GTF2IRD1: variants seen among roughly 807,000 people sequenced by gnomAD.
The protein encoded by GTF2IRD1 is GTF2I repeat domain containing 1, also known as general transcription factor II-I repeat domain-containing protein 1.
GTF2IRD1 carries 26 observed loss-of-function variants against 113.2 expected under a neutral mutation model. The ratio of observed to expected loss-of-function variants is 0.23; its 90% confidence interval spans 0.17 to 0.32. GTF2IRD1 has a LOEUF of 0.32. GTF2IRD1 is among the 10% of genes least tolerant of loss of function. The pLI is 1.00. For missense variants in GTF2IRD1, 864 were observed against 1,280.8 expected (o/e 0.67, Z 4.97); for synonymous variants, 484 against 529.1 (o/e 0.91, Z 1.17).
At chr7:74,537,624 G>A (rs1223077957) in intron 11 of GTF2IRD1, among the ~76,000 whole-genome samples, 10 of 152,070 alleles carry the variant, frequency 6.6e-5, no homozygotes, top group African/African-American at 2.4e-4. Context: ...ACCTCTTAGG[G>A]GCAGGGGTGG....
intron 22 of GTF2IRD1, among the ~76,000 whole-genome samples, chr7:74,567,540 T>C (rs1176017573): frequency 6.6e-6 from 1 of 151,964 alleles, no homozygotes; most frequent in Non-Finnish European, 1.5e-5. Context: ...AGTGGAATAG[T>C]GGGCTCAAGA....
chr7:74,561,221 C>G (rs1317905978), intron 22 of GTF2IRD1, among the ~76,000 whole-genome samples: 11 of 151,684 alleles, frequency 7.3e-5, no homozygotes, highest in Non-Finnish European at 1.3e-4. Flanking sequence ...TGGTGGCGCA[C>G]ACCTGTAATC....
chr7:74,520,580 C>T (rs1050104674), intron 6 of GTF2IRD1, among the ~76,000 whole-genome samples: 9 of 151,810 alleles, frequency 5.9e-5, no homozygotes, highest in South Asian at 2.1e-4. Flanking sequence ...GGATGGGACC[C>T]GGTAGTCTTT....
rs587633069 is a variant in GTF2IRD1, at chr7:74,584,373, A to G, written c.2321-5478A>G. On this transcript the variant is annotated intron_variant, in intron 22 of 26. Coordinates refer to ENST00000424337, the MANE Select transcript of GTF2IRD1 (RefSeq NM_005685.4). Reference sequence around the variant, plus strand: ...GGCACGAGAATCACTCGAACCCGGTAGGCGGAGGTTGCAGTGAGCCAAAAT... The same window carrying G: ...GGCACGAGAATCACTCGAACCCGGTGGGCGGAGGTTGCAGTGAGCCAAAAT... Among the ~76,000 whole-genome samples, 28 of 152,306 alleles carry G rather than the reference A, an allele frequency of 1.8e-4. No homozygotes were observed. In the East Asian group the frequency reaches 5.2e-3, roughly 28 times the overall value.
chr7:74,563,634 C>G (rs1270755005), intron 22 of GTF2IRD1, among the ~76,000 whole-genome samples: 1 of 151,496 alleles, frequency 6.6e-6, no homozygotes, highest in Non-Finnish European at 1.5e-5. Flanking sequence ...CCCTGTAATC[C>G]TAGCACTTTG....
intron 17 of GTF2IRD1, among the ~76,000 whole-genome samples, chr7:74,551,536 G>A (rs1554355025): frequency 6.6e-6 from 1 of 152,146 alleles, no homozygotes; most frequent in African/African-American, 2.4e-5. Flanking sequence ...TGCTGTGACA[G>A]GATATAATGC....
chr7:74,590,726 C>A, intron 23 of GTF2IRD1, 99 bp from the exon 24 acceptor site: 1 of 742,118 alleles, frequency 1.3e-6, no homozygotes, highest in Non-Finnish European at 2.2e-6. Flanking sequence ...GGTGTGATGG[C>A]TGCTGGGCTA....
At chr7:74,578,502 G>A (rs1465323396) in intron 22 of GTF2IRD1, among the ~76,000 whole-genome samples, 1 of 152,162 alleles carries the variant, frequency 6.6e-6, no homozygotes, top group African/African-American at 2.4e-5. Context: ...TGACAAAGGC[G>A]TGTTATTGAA....
chr7:74,540,910 C>T (rs111556925), intron 14 of GTF2IRD1, among the ~76,000 whole-genome samples: 3,800 of 151,764 alleles, frequency 0.025, 76 homozygotes, highest in Non-Finnish European at 0.037. Flanking sequence ...TACAGGCGCC[C>T]GCCACCACGC....
intron 13 of GTF2IRD1, 114 bp from the exon 14 acceptor site, chr7:74,539,761 GAGAC>G: frequency 1.7e-6 from 1 of 597,242 alleles, no homozygotes. Flanking sequence ...AAAAAAAAAA[GAGAC>G]AGAAAGAAAA....
At chr7:74,538,015 G>A in intron 11 of GTF2IRD1, 121 bp from the exon 12 acceptor site, 1 of 846,626 alleles carries the variant, frequency 1.2e-6, no homozygotes, top group Non-Finnish European at 2.0e-6. Context: ...GGGGCCGATG[G>A]GGACAGGGAT....
Position 74,472,660 on chromosome 7 carries a change from G to C in GTF2IRD1, c.-7+18484G>C, listed in dbSNP as rs566917520. Among the ~76,000 whole-genome samples, 12 of 152,346 alleles carry C rather than the reference G, an allele frequency of 7.9e-5. No homozygotes were observed. In the South Asian group the frequency reaches 1.9e-3, roughly 24 times the overall value. ...CCAGCTACTTGTGAGGCTGAGACAT[G>C]AGAACTGCTTCAACCCGGGAGGCGG... is the stretch of plus-strand genomic sequence containing the variant. On this transcript the variant is annotated intron_variant, in intron 1 of 26. Coordinates refer to ENST00000424337, the MANE Select transcript of GTF2IRD1 (RefSeq NM_005685.4).
At chr7:74,502,102 C>A (rs1796065388) in intron 1 of GTF2IRD1, among the ~76,000 whole-genome samples, 1 of 152,164 alleles carries the variant, frequency 6.6e-6, no homozygotes, top group African/African-American at 2.4e-5. Flanking sequence ...ATACACCCGG[C>A]TAATTTCTGT....
intron 22 of GTF2IRD1, among the ~76,000 whole-genome samples, chr7:74,576,654 CAG>C (rs1267087501): frequency 6.9e-5 from 6 of 86,730 alleles, no homozygotes; most frequent in Non-Finnish European, 1.2e-4. Context: ...TTTTTTGAGA[CAG>C]AGTCTTCAGG....
intron 2 of GTF2IRD1, among the ~76,000 whole-genome samples, chr7:74,510,276 A>G (rs181388642): frequency 1.5e-4 from 22 of 149,868 alleles, no homozygotes; most frequent in African/African-American, 4.7e-4. Context: ...GGGCGATGCC[A>G]TGGCCACTAG....
Position 74,538,677 on chromosome 7 carries a change from C to T in GTF2IRD1, c.1448-3C>T, listed in dbSNP as rs782173363. ...GACAGGATTCTTCCTTTCCTCCTTG[C>T]AGGAACCTCCGGGGAGCTGGGCGGG... On this transcript the variant is annotated splice_region_variant and splice_polypyrimidine_tract_variant and intron_variant, in intron 12 of 26. Transcript: ENST00000424337. 6.4e-7 allele frequency: 1 copy of T among 1,567,640 alleles called. No homozygotes were observed.
chr7:74,467,447 G>A (rs1410624763), intron 1 of GTF2IRD1, among the ~76,000 whole-genome samples: 2 of 152,194 alleles, frequency 1.3e-5, no homozygotes, highest in Non-Finnish European at 2.9e-5. Flanking sequence ...TGTGCAGACA[G>A]CACAAGTGTG....
rs781864906 is a variant in GTF2IRD1 at position 74,557,625 on chromosome 7, T to C, written c.2024-14T>C. 3.7e-6 allele frequency: 6 copies of C among 1,604,760 alleles called. No homozygotes were observed. In the East Asian group the frequency reaches 1.3e-4, roughly 36 times the overall value. ...CTCAACAGCCCAAACCCATAATCGTTTTGCGCTTTGCAGAAAATTATGACG... is the reference window on the plus strand; with the variant it reads ...CTCAACAGCCCAAACCCATAATCGTCTTGCGCTTTGCAGAAAATTATGACG... On this transcript the variant is annotated splice_polypyrimidine_tract_variant and intron_variant, in intron 19 of 26. Transcript: ENST00000424337.
intron 1 of GTF2IRD1, among the ~76,000 whole-genome samples, chr7:74,488,362 A>C (rs1224335768): frequency 6.6e-6 from 1 of 152,224 alleles, no homozygotes; most frequent in Non-Finnish European, 1.5e-5. Context: ...CTTCAGCTGC[A>C]GTTGGAAAGG....
Sources: gnomAD v4.1 joint callset for allele counts (sites outside exome capture counted in the v4.1 genomes callset) on GRCh38, gnomAD v4.1.1 for gene constraint, MANE v1.5 for transcripts, NCBI Gene and HGNC (gene_info 2026-07-23, HGNC 2026-07-21) for gene names.